The following SRP54 variants were observed in gnomAD, a reference collection of about 807,000 sequenced individuals.
The protein encoded by SRP54 is signal recognition particle 54, also known as signal recognition particle subunit SRP54.
A neutral mutation model predicts 64.8 loss-of-function variants in SRP54; 10 were observed. The observed-to-expected ratio is 0.15, with a 90% CI of 0.10 to 0.26. SRP54 has a LOEUF of 0.26. Ranked by LOEUF, SRP54 falls within the 10% of genes least tolerant of loss-of-function variation. SRP54 has a pLI of 1.00. For synonymous variants in SRP54, 193 were observed against 185.6 expected, an observed-to-expected ratio of 1.04 and a Z score of -0.32; for missense variants, 325 against 613.7, an observed-to-expected ratio of 0.53 and a Z score of 4.97.
chr14:34,987,164 G>C lies in SRP54; in HGVS notation c.-34+3949G>C, dbSNP rs1451937547. 2.7e-5 allele frequency among the ~76,000 whole-genome samples: 4 copies of C among 149,256 alleles called. No homozygotes were observed. The Admixed American group carries it at 2.7e-4, about 10-fold the overall frequency. On this transcript the variant is annotated intron_variant, in intron 1 of 15. Transcript: ENST00000216774. ...GAGAATCGCTTGAATCCAGAAGGCAGATATTGCAGTGAGCCGAGATCTTGC... is the reference window on the plus strand; with the variant it reads ...GAGAATCGCTTGAATCCAGAAGGCACATATTGCAGTGAGCCGAGATCTTGC...
chr14:34,995,134 GGTGTGT>G (rs35829734), intron 1 of SRP54, among the ~76,000 whole-genome samples: 7,569 of 69,958 alleles, frequency 0.11, 455 homozygotes, highest in Admixed American at 0.2. Context: ...ATCAATAAAG[GGTGTGT>G]GTGTGTGTGT....
chr14:34,985,383 T>A (rs914508944), intron 1 of SRP54, among the ~76,000 whole-genome samples: 1 of 152,234 alleles, frequency 6.6e-6, no homozygotes, highest in Non-Finnish European at 1.5e-5. Context: ...ATGGCATCAC[T>A]AGCCATCTGG....
intron 7 of SRP54, among the ~76,000 whole-genome samples, chr14:35,010,372 G>A (rs542626624): frequency 6.6e-6 from 1 of 152,082 alleles, no homozygotes; most frequent in East Asian, 1.9e-4. Flanking sequence ...CTTGAACCCG[G>A]GAGGCAGAGG....
At chr14:35,001,913 A>G (rs996018691) in intron 4 of SRP54, among the ~76,000 whole-genome samples, 6 of 151,972 alleles carry the variant, frequency 3.9e-5, no homozygotes, top group African/African-American at 1.5e-4. Context: ...TAAAAAAATT[A>G]TTTTAGTCCA....
chr14:35,022,649 C>G (rs999682270), intron 13 of SRP54, among the ~76,000 whole-genome samples: 1 of 152,206 alleles, frequency 6.6e-6, no homozygotes, highest in Non-Finnish European at 1.5e-5. Context: ...GCCACCACGC[C>G]TGGCCTCCAT....
At chr14:35,007,705 TAAAATATATTTAC>T (rs2044286962) in intron 5 of SRP54, among the ~76,000 whole-genome samples, 1 of 145,796 alleles carries the variant, frequency 6.9e-6, no homozygotes, top group East Asian at 2.0e-4. Flanking sequence ...TAGATTTTAT[TAAAATATATTTAC>T]ATAAAATAGA....
At position 35,008,640 on chromosome 14, in the gene SRP54, A is replaced by T. The variant is rs191230389; in HGVS notation, c.374A>T (p.Tyr125Phe). 69 of 1,581,224 alleles carry T rather than the reference A, an allele frequency of 4.4e-5. No individual in the cohort carries two copies. In the East Asian group the frequency reaches 1.0e-3, roughly 23 times the overall value. Reference protein sequence around the residue: ...TTTCSKLAYYYQRKGWKTCLI... With the variant: ...TTTCSKLAYYFQRKGWKTCLI... ...TTTCTCACCCAGCTAGCATATTATT[A>T]CCAGAGGAAAGGTTGGAAGACCTGT... The change falls in exon 6 of 16, where the codon TAC becomes TTC. Residue 125 changes from tyrosine to phenylalanine, a missense_variant. Transcript: ENST00000216774.
At chr14:35,026,431 C>G (rs1955437) in intron 14 of SRP54, among the ~76,000 whole-genome samples, 65,324 of 151,462 alleles carry the variant, frequency 0.43, 14,787 homozygotes, top group East Asian at 0.69. Flanking sequence ...ACAGGGTTTC[C>G]CCATGTTGCC....
chr14:35,027,007 A>G (rs1269887289), intron 14 of SRP54, among the ~76,000 whole-genome samples: 2 of 150,314 alleles, frequency 1.3e-5, no homozygotes, highest in Non-Finnish European at 3.0e-5. Flanking sequence ...TCTCAGACTC[A>G]TACTTTACTT....
chr14:34,990,042 A>G (rs2043957299), intron 1 of SRP54, among the ~76,000 whole-genome samples: 1 of 152,164 alleles, frequency 6.6e-6, no homozygotes, highest in Non-Finnish European at 1.5e-5. Flanking sequence ...AGTACTTCAC[A>G]CTGCAGCAAG....
At chr14:35,017,322 C>T (rs573052185) in intron 11 of SRP54, among the ~76,000 whole-genome samples, 1 of 152,292 alleles carries the variant, frequency 6.6e-6, no homozygotes, top group Admixed American at 6.5e-5. Flanking sequence ...CTCCAAGGGT[C>T]TCCTAATTTC....
rs150555187 is a variant in SRP54 at position 34,985,324 on chromosome 14, C to T, written c.-34+2109C>T. On this transcript the variant is annotated intron_variant, in intron 1 of 15. Coordinates refer to ENST00000216774, the MANE Select transcript of SRP54 (RefSeq NM_003136.4). ...CCCTTTGACCTCTTCTCTATTAACT[C>T]CTCTGACTTTCAAACCACCTTCCCT... is the stretch of plus-strand genomic sequence containing the variant. Among the ~76,000 whole-genome samples the T allele has an allele frequency of 3.9e-3, 594 of 152,320 alleles. 5 individuals carry two copies. The highest frequency in any genetic ancestry group is 0.014 in the African/African-American group (576 of 41,578).
At chr14:34,999,492 A>C in intron 2 of SRP54, 66 bp from the exon 3 acceptor site, 1 of 1,230,784 alleles carries the variant, frequency 8.1e-7, no homozygotes, top group Admixed American at 1.8e-5. Flanking sequence ...GTGATCAACA[A>C]TTGTTTTTAT....
chr14:34,995,157 G>GTGTGTT (rs989017603), intron 1 of SRP54, among the ~76,000 whole-genome samples: 86 of 140,344 alleles, frequency 6.1e-4, no homozygotes, highest in African/African-American at 2.1e-3. Context: ...GTGTGTGTGT[G>GTGTGTT]TGTGTGTGTG....
intron 1 of SRP54, among the ~76,000 whole-genome samples, chr14:34,993,020 C>T (rs551327606): frequency 6.6e-5 from 10 of 152,120 alleles, no homozygotes; most frequent in Non-Finnish European, 5.9e-5. Flanking sequence ...CCACCATACC[C>T]GGCCAAGTTT....
In SRP54 at chr14:34,996,709, G is replaced by A. The variant is rs1309421503; in HGVS notation, c.-1G>A. The A allele has an allele frequency of 1.2e-6, 2 of 1,611,888 alleles. No homozygotes were observed. The highest frequency in any genetic ancestry group is 1.3e-5 in the African/African-American group (1 of 74,984). On this transcript the variant is annotated 5_prime_UTR_variant, in exon 2 of 16. Coordinates refer to ENST00000216774, the MANE Select transcript of SRP54 (RefSeq NM_003136.4). ...CGTAAGTACATCTTAAAGCTGTCAAGATGGTTCTAGCAGACCTTGGAAGAA... is the reference window on the plus strand; with the variant it reads ...CGTAAGTACATCTTAAAGCTGTCAAAATGGTTCTAGCAGACCTTGGAAGAA...
chr14:35,023,278 G>C (rs1158660064), intron 14 of SRP54, among the ~76,000 whole-genome samples, 198 bp downstream of exon 14: 1 of 150,914 alleles, frequency 6.6e-6, no homozygotes, highest in Non-Finnish European at 1.5e-5. Flanking sequence ...TTACATCTGT[G>C]TAGTGTGGGT....
intron 1 of SRP54, 122 bp from the exon 2 acceptor site, chr14:34,996,555 C>A: frequency 1.7e-6 from 1 of 588,544 alleles, no homozygotes; most frequent in South Asian, 2.3e-5. Flanking sequence ...CAGGTTGAGG[C>A]TATGGAAGGT....
chr14:35,001,412 A>G (rs1335985562), intron 4 of SRP54, among the ~76,000 whole-genome samples: 1 of 152,066 alleles, frequency 6.6e-6, no homozygotes, highest in African/African-American at 2.4e-5. Flanking sequence ...CGGCCTCCCA[A>G]AGTGCTGGGA....
Sources: gnomAD v4.1 joint callset for allele counts (sites outside exome capture counted in the v4.1 genomes callset) on GRCh38, gnomAD v4.1.1 for gene constraint, MANE v1.5 for transcripts, NCBI Gene and HGNC (gene_info 2026-07-23, HGNC 2026-07-21) for gene names.